PNKD: variants seen among roughly 807,000 people sequenced by gnomAD.
PNKD encodes the protein PNKD metallo-beta-lactamase domain containing.
PNKD carries 36 observed loss-of-function variants against 45.3 expected under a neutral mutation model. That is an observed-to-expected ratio of 0.80 (90% CI 0.61 to 1.05). The LOEUF (loss-of-function observed/expected upper bound fraction) is 1.05. Ranked by LOEUF, PNKD falls within the 50% of genes least tolerant of loss-of-function variation. The probability of loss-of-function intolerance (pLI) is 0.00; values close to 1 mark genes in which losing one functional copy is unlikely to be tolerated. For synonymous variants in PNKD, 197 were observed against 210.1 expected, an observed-to-expected ratio of 0.94 and a Z score of 0.54; for missense variants, 511 against 506.6, an observed-to-expected ratio of 1.01 and a Z score of -0.08.
chr2:218,304,854 C>T (rs182687329), intron 2 of PNKD, among the ~76,000 whole-genome samples: 243 of 152,000 alleles, frequency 1.6e-3, no homozygotes, highest in African/African-American at 5.1e-3. Flanking sequence ...GTGGGTGGAT[C>T]ACTTGAGGTC....
intron 2 of PNKD, among the ~76,000 whole-genome samples, chr2:218,278,744 G>A (rs1484833509): frequency 6.6e-6 from 1 of 152,214 alleles, no homozygotes; most frequent in Non-Finnish European, 1.5e-5. Context: ...TGAAGCACCA[G>A]GCTCCGGCCA....
rs745435962 is a variant in PNKD, at chr2:218,340,723, C to G, written c.466-5C>G. 2 of 1,613,090 alleles carry G rather than the reference C, an allele frequency of 1.2e-6. No individual in the cohort carries two copies. Among genetic ancestry groups the G allele is most frequent in the Admixed American group, 1.7e-5 (1 of 60,006 alleles). On this transcript the variant is annotated splice_polypyrimidine_tract_variant and splice_region_variant and intron_variant, in intron 4 of 9. Coordinates refer to ENST00000273077, the MANE Select transcript of PNKD (RefSeq NM_015488.5). This position sits in a 1 kb window ranked among gnomAD's most constrained non-coding sequence, Gnocchi z 4.2. ...CCCAGTCTCCAAACCTCCTCTCTCT[C>G]GCAGGCTTCCATTGAAAAGGAAGGG... is the stretch of plus-strand genomic sequence containing the variant.
chr2:218,328,004 T>C (rs946324709), intron 2 of PNKD: 1 of 147,776 alleles, frequency 6.8e-6, no homozygotes, highest in East Asian at 2.0e-4. Flanking sequence ...AAGTCAGGAA[T>C]GGATTACTTC....
chr2:218,326,519 A>G lies in PNKD; in HGVS notation c.237-13264A>G, dbSNP rs1694158602. ...GTGCCTTAGTTGTTTGCATCTATAA[A>G]GTGGGGTTGGGGATGCCTACCTCAT... is the stretch of plus-strand genomic sequence containing the variant. On this transcript the variant is annotated intron_variant, in intron 2 of 9. Coordinates refer to ENST00000273077, the MANE Select transcript of PNKD (RefSeq NM_015488.5). The surrounding 1 kb of genome is among the most constrained non-coding windows in gnomAD (Gnocchi z 4.1). Among the ~76,000 whole-genome samples the G allele has an allele frequency of 6.6e-6, 1 of 152,264 alleles. No homozygotes were observed. The highest frequency in any genetic ancestry group is 2.1e-4 in the South Asian group (1 of 4,828).
chr2:218,305,095 T>C (rs1386393560), intron 2 of PNKD, among the ~76,000 whole-genome samples: 3 of 151,932 alleles, frequency 2.0e-5, no homozygotes, highest in African/African-American at 4.8e-5. Context: ...ATAAATAAAG[T>C]GGGGCGACCA....
At chr2:218,289,160 G>T (rs73086149) in intron 2 of PNKD, among the ~76,000 whole-genome samples, 2,068 of 152,260 alleles carry the variant, frequency 0.014, 49 homozygotes, top group African/African-American at 0.047. Flanking sequence ...CAAAACGATA[G>T]ATAGAAAGGA....
At chr2:218,278,296 A>C (rs1233270122) in intron 2 of PNKD, 1 of 614,420 alleles carries the variant, frequency 1.6e-6, no homozygotes, top group Admixed American at 3.0e-5. Context: ...CTAAAATGCT[A>C]CCTGTCTTGC....
chr2:218,323,593 TGG>T (rs1187370470), intron 2 of PNKD, among the ~76,000 whole-genome samples: 1 of 70,546 alleles, frequency 1.4e-5, no homozygotes, highest in African/African-American at 4.7e-5. Context: ...GCCACTGAGT[TGG>T]GGGGCCTGAG....
At chr2:218,339,938 G>GC (rs1694621125) in intron 3 of PNKD, 40 bp downstream of exon 3, 2 of 1,444,126 alleles carry the variant, frequency 1.4e-6, no homozygotes, top group Non-Finnish European at 1.9e-6. Flanking sequence ...CCCATTCTGT[G>GC]CCCCCACCCT....
chr2:218,294,189 C>G (rs996236539), intron 2 of PNKD, among the ~76,000 whole-genome samples: 4 of 152,118 alleles, frequency 2.6e-5, no homozygotes, highest in Non-Finnish European at 4.4e-5. Context: ...TCTGTCTCCC[C>G]CTTGCTCAAG....
intron 2 of PNKD, among the ~76,000 whole-genome samples, chr2:218,308,934 TTC>T (rs1324039510): frequency 6.6e-6 from 1 of 151,940 alleles, no homozygotes; most frequent in African/African-American, 2.4e-5. Flanking sequence ...CTCTCTCTCT[TTC>T]TCTCTTTCTC....
intron 2 of PNKD, among the ~76,000 whole-genome samples, chr2:218,284,916 C>T (rs4672882): frequency 0.35 from 53,486 of 151,998 alleles, 9,846 homozygotes; most frequent in Middle Eastern, 0.5. Context: ...ATGGTGAAAC[C>T]CCGTCTCTAC....
chr2:218,344,834 C>T lies in PNKD; in HGVS notation c.1011C>T (p.Arg337=), dbSNP rs779299050. Reference sequence around the variant, plus strand: ...GCCCATCTACCCTGGGAGAGGAGCGCTCCTACAACCCGTTCCTGAGAACCC... The same window carrying T: ...GCCCATCTACCCTGGGAGAGGAGCGTTCCTACAACCCGTTCCTGAGAACCC... ...GTCPSTLGEE[R]SYNPFLRTHC... is the part of the protein sequence containing the mutation. The change falls in exon 10 of 10, where the codon CGC becomes CGT. Residue 337 remains arginine, a synonymous_variant. Coordinates refer to ENST00000273077, the MANE Select transcript of PNKD (RefSeq NM_015488.5). The T allele has an allele frequency of 1.9e-6, 3 of 1,613,978 alleles. No homozygotes were observed. The South Asian group carries it at 3.3e-5, about 18-fold the overall frequency.
chr2:218,278,541 C>A, intron 2 of PNKD: 1 of 1,614,190 alleles, frequency 6.2e-7, no homozygotes, highest in Non-Finnish European at 8.5e-7. Context: ...AGGCAAGGAT[C>A]AGGTAGGTGA....
intron 2 of PNKD, among the ~76,000 whole-genome samples, chr2:218,316,016 T>A (rs1006536880): frequency 2.2e-4 from 34 of 152,338 alleles, no homozygotes; most frequent in African/African-American, 7.9e-4. Context: ...TCCAGGTGGC[T>A]CCATGTGCCT....
rs766132328 is a variant in PNKD, at chr2:218,343,557, G to T, written c.839G>T (p.Gly280Val). The T allele has an allele frequency of 1.3e-5, 21 of 1,613,426 alleles. No homozygotes were observed. The African/African-American group carries it at 1.5e-4, about 11-fold the overall frequency. Reference protein sequence around the residue: ...TMLSSLDTVLGLGDDTLLWPG... With the variant: ...TMLSSLDTVLVLGDDTLLWPG... ...CTGAGCTCACTGGACACTGTGCTGG[G>T]GCTAGGGGATGACACCCTTCTGTGG... Residue 280 changes from glycine (G) to valine (V), a missense_variant, in exon 8 of 10, where the codon GGG (glycine) becomes GTG (valine). By Grantham distance (109) the Gly-to-Val change is moderately radical. Coordinates refer to ENST00000273077, the MANE Select transcript of PNKD (RefSeq NM_015488.5).
At chr2:218,289,108 C>T (rs1214799347) in intron 2 of PNKD, among the ~76,000 whole-genome samples, 3 of 152,214 alleles carry the variant, frequency 2.0e-5, no homozygotes, top group Admixed American at 6.5e-5. Context: ...CACGCACCTG[C>T]GTGAATAGGC....
chr2:218,275,780 A>G (rs1355818230), intron 2 of PNKD, among the ~76,000 whole-genome samples: 1 of 152,212 alleles, frequency 6.6e-6, no homozygotes, highest in Non-Finnish European at 1.5e-5. Context: ...AGCTGCTCAC[A>G]GTCTAGGAAA....
chr2:218,312,519 T>G (rs1574687598), intron 2 of PNKD, among the ~76,000 whole-genome samples: 4 of 140,740 alleles, frequency 2.8e-5, no homozygotes, highest in East Asian at 4.1e-4. Flanking sequence ...AAGGGAGGGG[T>G]GAAGAATGGA....
Sources: gnomAD v4.1 joint callset for allele counts (sites outside exome capture counted in the v4.1 genomes callset) on GRCh38, gnomAD v4.1.1 for gene constraint, Gnocchi (gnomAD v3.1) non-coding constraint, MANE v1.5 for transcripts, NCBI Gene and HGNC (gene_info 2026-07-23, HGNC 2026-07-21) for gene names.